Variants in ADAM23 observed in about 807,000 individuals in gnomAD.
ADAM23 encodes disintegrin and metalloproteinase domain-containing protein 23.
Under a neutral mutation model 120.1 loss-of-function variants are expected in ADAM23, and 33 were observed. That is an observed-to-expected ratio of 0.27 (90% CI 0.21 to 0.37). ADAM23 has a LOEUF of 0.37. Ranked by LOEUF, ADAM23 falls within the 10% of genes least tolerant of loss-of-function variation. ADAM23 has a pLI of 1.00. For missense variants in ADAM23, 862 were observed against 1,058.2 expected, an observed-to-expected ratio of 0.81 and a Z score of 2.57; for synonymous variants, 367 against 375.2, an observed-to-expected ratio of 0.98 and a Z score of 0.25.
chr2:206,493,924 G>A (rs1039877053), intron 3 of ADAM23, among the ~76,000 whole-genome samples: 1 of 152,146 alleles, frequency 6.6e-6, no homozygotes, highest in Admixed American at 6.5e-5. Context: ...TATATCTCTT[G>A]TAAATCTCCA....
At position 206,543,270 on chromosome 2, in the gene ADAM23, A is replaced by G. The variant is rs768286271; in HGVS notation, c.674A>G (p.Asp225Gly). Residue 225 changes from aspartate to glycine, a missense_variant, in exon 6 of 26, where the codon GAT (aspartate) becomes GGT (glycine). Around this residue, in one of 4 missense-constraint regions of ADAM23, gnomAD observed 617 missense variants for 813.5 expected, o/e 0.76. Transcript: ENST00000264377. Reference sequence around the variant, plus strand: ...TGTGCTAGTGGCATGTTTGAAGATGATACCTTCGTGTATATGATAGAGCCA... The same window carrying G: ...TGTGCTAGTGGCATGTTTGAAGATGGTACCTTCGTGTATATGATAGAGCCA... Reference protein sequence around the residue: ...CNGLHGMFEDDTFVYMIEPLE... With the variant: ...CNGLHGMFEDGTFVYMIEPLE... 5.0e-6 allele frequency: 8 copies of G among 1,614,024 alleles called. No individual in the cohort carries two copies. Among genetic ancestry groups the G allele is most frequent in the South Asian group, 1.1e-5 (1 of 91,058 alleles).
chr2:206,599,306 A>G (rs1373580846), intron 24 of ADAM23, among the ~76,000 whole-genome samples: 2 of 151,844 alleles, frequency 1.3e-5, no homozygotes, highest in African/African-American at 4.8e-5. Flanking sequence ...TTGCAAAGTT[A>G]TCTATTGGTT....
intron 2 of ADAM23, among the ~76,000 whole-genome samples, chr2:206,460,957 G>A (rs1366736451): frequency 6.6e-6 from 1 of 151,832 alleles, no homozygotes; most frequent in African/African-American, 2.4e-5. Flanking sequence ...TTTTGCATGT[G>A]GATGTCTAGT....
chr2:206,487,789 C>G (rs535348361), intron 3 of ADAM23, among the ~76,000 whole-genome samples: 1 of 152,278 alleles, frequency 6.6e-6, no homozygotes, highest in South Asian at 2.1e-4. Context: ...CTTAATAGAA[C>G]GCTACTCCAG....
chr2:206,555,867 G>A (rs1213271564), intron 9 of ADAM23, among the ~76,000 whole-genome samples: 2 of 152,228 alleles, frequency 1.3e-5, no homozygotes, highest in East Asian at 3.9e-4. Flanking sequence ...CATCCCAGAG[G>A]AACTTAATGT....
At position 206,542,045 on chromosome 2, in the gene ADAM23, T is replaced by C; in HGVS notation, c.574-7T>C. On this transcript the variant is annotated splice_polypyrimidine_tract_variant and splice_region_variant and intron_variant, in intron 4 of 25. Coordinates refer to ENST00000264377, the MANE Select transcript of ADAM23 (RefSeq NM_003812.4). Reference sequence around the variant, plus strand: ...AATACAACCAATCAATGAAACCTGCTTTCCAGGGTGGAGAGCACTGTTACT... The same window carrying C: ...AATACAACCAATCAATGAAACCTGCCTTCCAGGGTGGAGAGCACTGTTACT... 6.2e-7 allele frequency: 1 copy of C among 1,614,052 alleles called. No individual in the cohort carries two copies. The highest frequency in any genetic ancestry group is 8.5e-7 in the Non-Finnish European group (1 of 1,179,942).
chr2:206,461,950 A>G (rs1321623724), intron 2 of ADAM23, among the ~76,000 whole-genome samples: 1 of 152,148 alleles, frequency 6.6e-6, no homozygotes, highest in Non-Finnish European at 1.5e-5. Flanking sequence ...ATTCAGGGAC[A>G]AAAGAGCTTT....
At chr2:206,607,726 A>G (rs1439442321) in intron 24 of ADAM23, among the ~76,000 whole-genome samples, 1 of 152,184 alleles carries the variant, frequency 6.6e-6, no homozygotes, top group African/African-American at 2.4e-5. Flanking sequence ...CTCTTAGCTT[A>G]CTGATTTTTT....
At chr2:206,552,171 T>C (rs1194511480) in intron 9 of ADAM23, among the ~76,000 whole-genome samples, 2 of 152,156 alleles carry the variant, frequency 1.3e-5, no homozygotes, top group East Asian at 1.9e-4. Flanking sequence ...TAAATACTTT[T>C]AGAGTAGTAG....
intron 25 of ADAM23, among the ~76,000 whole-genome samples, chr2:206,612,279 T>A (rs2105866443): frequency 6.6e-6 from 1 of 152,336 alleles, no homozygotes; most frequent in East Asian, 1.9e-4. Flanking sequence ...TGATAATGTT[T>A]AGATTTTCCC....
chr2:206,509,649 A>T (rs1696580406), intron 3 of ADAM23, among the ~76,000 whole-genome samples: 2 of 151,950 alleles, frequency 1.3e-5, no homozygotes, highest in Admixed American at 1.3e-4. Flanking sequence ...GGATTTCACC[A>T]TGTTGGTTAG....
intron 3 of ADAM23, among the ~76,000 whole-genome samples, chr2:206,525,354 TC>T (rs34489818): frequency 0.077 from 11,763 of 152,252 alleles, 479 homozygotes; most frequent in Middle Eastern, 0.11. Flanking sequence ...AGAAAGGACT[TC>T]CAGAGACTGG....
intron 24 of ADAM23, 149 bp from the exon 25 acceptor site, chr2:206,609,761 C>G: frequency 1.6e-6 from 1 of 623,338 alleles, no homozygotes; most frequent in Non-Finnish European, 2.7e-6. Context: ...ATCTAAAATG[C>G]AATTAAGCTA....
At chr2:206,591,550 G>GT (rs1217040554) in intron 21 of ADAM23, among the ~76,000 whole-genome samples, 2 of 152,140 alleles carry the variant, frequency 1.3e-5, no homozygotes, top group Non-Finnish European at 2.9e-5. Flanking sequence ...TCCATTCTGT[G>GT]TTGATGAACA....
chr2:206,600,771 C>G (rs1055211569), intron 24 of ADAM23, among the ~76,000 whole-genome samples: 4 of 152,112 alleles, frequency 2.6e-5, no homozygotes, highest in Non-Finnish European at 4.4e-5. Context: ...TTAAGGCATG[C>G]TAGATTATTC....
chr2:206,457,306 A>G (rs1396738145), intron 2 of ADAM23, among the ~76,000 whole-genome samples: 7 of 152,244 alleles, frequency 4.6e-5, no homozygotes, highest in Admixed American at 4.6e-4. Flanking sequence ...CAACCAGAGA[A>G]TGAGTCAAAA....
At chr2:206,611,590 A>G (rs977687491) in intron 25 of ADAM23, among the ~76,000 whole-genome samples, 2 of 152,220 alleles carry the variant, frequency 1.3e-5, no homozygotes, top group African/African-American at 4.8e-5. Flanking sequence ...TTTGGCGTTA[A>G]GAAATCCCGG....
In ADAM23 at chr2:206,445,292, C is replaced by A. The variant is rs747811208; in HGVS notation, c.215-15C>A. 2.5e-6 allele frequency: 4 copies of A among 1,608,698 alleles called. No individual in the cohort carries two copies. Among genetic ancestry groups the A allele is most frequent in the Admixed American group, 3.3e-5 (2 of 59,948 alleles). ...GTTTGTATTTTCTGCTCCCCCACCC[C>A]CCTACCTCCACCAGCTCCGCATTGG... On this transcript the variant is annotated splice_polypyrimidine_tract_variant and intron_variant, in intron 1 of 25. Transcript: ENST00000264377.
At chr2:206,595,830 T>C (rs1698514377) in intron 23 of ADAM23, among the ~76,000 whole-genome samples, 1 of 152,168 alleles carries the variant, frequency 6.6e-6, no homozygotes, top group Non-Finnish European at 1.5e-5. Context: ...GAAGAATTTC[T>C]TCCTTTTACT....
Sources: allele counts gnomAD v4.1 joint callset (sites outside exome capture counted in the v4.1 genomes callset), GRCh38; gene constraint gnomAD v4.1.1; regional missense constraint gnomAD v4.1.1; transcripts MANE v1.5; gene names NCBI Gene and HGNC (gene_info 2026-07-23, HGNC 2026-07-21).